The following PDCD1LG2 variants were observed in gnomAD, a reference collection of about 807,000 sequenced individuals.
PDCD1LG2 encodes B7 dendritic cell molecule.
In PDCD1LG2, 32 loss-of-function variants were observed where a neutral mutation model predicts 28.2. The ratio of observed to expected loss-of-function variants is 1.13; its 90% CI spans 0.86 to 1.52. PDCD1LG2 has a LOEUF of 1.52. Among genes scored for constraint, PDCD1LG2 ranks in the 40% most tolerant of loss-of-function variants. PDCD1LG2 has a pLI of 0.00. For missense variants in PDCD1LG2, 385 were observed against 323.8 expected (o/e 1.19, Z -1.45); for synonymous variants, 116 against 120.2 (o/e 0.97, Z 0.23).
chr9:5,542,339 A>T lies in PDCD1LG2; in HGVS notation c.362-6996A>T, dbSNP rs149071080. Reference sequence around the variant, plus strand: ...GACAAAGGTAAATAGATAAATAGGGACTTAATTAAACTAAAAAGCTTCTGC... The same window carrying T: ...GACAAAGGTAAATAGATAAATAGGGTCTTAATTAAACTAAAAAGCTTCTGC... On this transcript the variant is annotated intron_variant, in intron 3 of 6. Coordinates refer to ENST00000397747, the MANE Select transcript of PDCD1LG2 (RefSeq NM_025239.4). Among the ~76,000 whole-genome samples, 428 of 151,506 alleles carry T rather than the reference A, an allele frequency of 2.8e-3. 3 individuals are homozygous for T. The highest frequency in any genetic ancestry group is 9.9e-3 in the African/African-American group (407 of 41,024).
intron 1 of PDCD1LG2, among the ~76,000 whole-genome samples, chr9:5,515,244 C>T (rs1465614189): frequency 6.6e-6 from 1 of 152,170 alleles, no homozygotes; most frequent in African/African-American, 2.4e-5. Context: ...TAGGAACAGA[C>T]ATCAATAAAC....
intron 3 of PDCD1LG2, among the ~76,000 whole-genome samples, chr9:5,538,225 C>T (rs570682770): frequency 2.2e-4 from 34 of 152,230 alleles, no homozygotes; most frequent in Non-Finnish European, 4.9e-4. Flanking sequence ...CTTTTTTCCA[C>T]ATTCTCCAGT....
intron 4 of PDCD1LG2, 140 bp downstream of exon 4, chr9:5,549,744 A>G: frequency 9.3e-7 from 1 of 1,073,636 alleles, no homozygotes; most frequent in Non-Finnish European, 1.3e-6. Context: ...ACTACAAAGG[A>G]TAGTGCAGAA....
chr9:5,570,980 A>T lies in PDCD1LG2; in HGVS notation c.*1021A>T. 4.3e-6 allele frequency: 1 copy of T among 232,834 alleles called. No homozygotes were observed. The highest frequency in any genetic ancestry group is 8.5e-6 in the Non-Finnish European group (1 of 117,778). The allele number at this position is 232,834 out of a possible 1,614,324, so 14.4% of individuals were successfully genotyped here. ...AGCAGAAGGGTAACTCGGCTACAGT[A>T]ACAGCTTAATTTTGTTAAATTTGTT... On this transcript the variant is annotated 3_prime_UTR_variant, in exon 7 of 7. Coordinates refer to ENST00000397747, the MANE Select transcript of PDCD1LG2 (RefSeq NM_025239.4).
chr9:5,519,817 C>T (rs1820240257), intron 1 of PDCD1LG2, among the ~76,000 whole-genome samples: 1 of 152,208 alleles, frequency 6.6e-6, no homozygotes, highest in African/African-American at 2.4e-5. Context: ...AACAGCATCT[C>T]CATTGCCTTA....
chr9:5,520,409 C>T (rs1320047944), intron 1 of PDCD1LG2, among the ~76,000 whole-genome samples: 1 of 152,154 alleles, frequency 6.6e-6, no homozygotes, highest in Non-Finnish European at 1.5e-5. Flanking sequence ...AAATTTGGAA[C>T]TAAAGTTCTT....
intron 5 of PDCD1LG2, among the ~76,000 whole-genome samples, chr9:5,559,191 G>T (rs1816507995): frequency 6.6e-6 from 1 of 152,246 alleles, no homozygotes; most frequent in South Asian, 2.1e-4. Flanking sequence ...TTAAGAGTGA[G>T]TGAGGATATC....
At chr9:5,532,233 C>A (rs547871256) in intron 2 of PDCD1LG2, among the ~76,000 whole-genome samples, 1 of 152,334 alleles carries the variant, frequency 6.6e-6, no homozygotes, top group East Asian at 1.9e-4. Flanking sequence ...TGCCCCTGTG[C>A]CCCTCCTGCA....
intron 3 of PDCD1LG2, among the ~76,000 whole-genome samples, chr9:5,535,639 T>C (rs1820566458): frequency 6.6e-6 from 1 of 152,126 alleles, no homozygotes; most frequent in Non-Finnish European, 1.5e-5. Context: ...GTATAAATTT[T>C]TTTTTTCTTA....
chr9:5,533,176 T>A (rs928734239), intron 2 of PDCD1LG2, among the ~76,000 whole-genome samples: 2 of 152,258 alleles, frequency 1.3e-5, no homozygotes, highest in Admixed American at 1.3e-4. Flanking sequence ...GAACATAATT[T>A]GATCTAATCT....
At chr9:5,550,312 TG>T (rs1311287616) in intron 4 of PDCD1LG2, among the ~76,000 whole-genome samples, 2 of 152,156 alleles carry the variant, frequency 1.3e-5, no homozygotes, top group Non-Finnish European at 2.9e-5. Flanking sequence ...CAAACAATCT[TG>T]GGAAAATAAC....
At chr9:5,522,684 T>G (rs935577618) in intron 2 of PDCD1LG2, 83 bp downstream of exon 2, 2 of 1,257,290 alleles carry the variant, frequency 1.6e-6, no homozygotes, top group African/African-American at 3.0e-5. Context: ...AATGTGGCCC[T>G]CAGGCTGAGG....
chr9:5,567,738 A>G (rs1165880189), intron 6 of PDCD1LG2, among the ~76,000 whole-genome samples: 1 of 152,194 alleles, frequency 6.6e-6, no homozygotes, highest in Non-Finnish European at 1.5e-5. Context: ...ACCTGTATTA[A>G]GTTTCTGTTA....
At chr9:5,521,831 T>G (rs1416884508) in intron 1 of PDCD1LG2, among the ~76,000 whole-genome samples, 1 of 152,168 alleles carries the variant, frequency 6.6e-6, no homozygotes, top group African/African-American at 2.4e-5. Flanking sequence ...AGATTAGCTG[T>G]GTGCTCTGTC....
At chr9:5,546,605 C>T (rs1816211991) in intron 3 of PDCD1LG2, among the ~76,000 whole-genome samples, 1 of 152,162 alleles carries the variant, frequency 6.6e-6, no homozygotes, top group Non-Finnish European at 1.5e-5. Context: ...CTGCTGGGTG[C>T]TCCTAAGAAC....
chr9:5,516,084 C>G (rs189504211), intron 1 of PDCD1LG2, among the ~76,000 whole-genome samples: 187 of 152,120 alleles, frequency 1.2e-3, no homozygotes, highest in African/African-American at 4.2e-3. Flanking sequence ...CGGAGTCTCA[C>G]TCTGTCACCA....
intron 1 of PDCD1LG2, among the ~76,000 whole-genome samples, chr9:5,512,813 C>A (rs1820086799): frequency 1.3e-5 from 2 of 152,186 alleles, no homozygotes; most frequent in Admixed American, 1.3e-4. Context: ...TGCCACCCTT[C>A]CTCCCCCATG....
intron 2 of PDCD1LG2, among the ~76,000 whole-genome samples, chr9:5,523,970 C>A (rs967101080): frequency 2.0e-5 from 3 of 152,114 alleles, no homozygotes; most frequent in African/African-American, 4.8e-5. Context: ...GAGGAAGGAT[C>A]TTTTCTTCTA....
intron 1 of PDCD1LG2, among the ~76,000 whole-genome samples, chr9:5,512,111 A>G (rs986166268): frequency 6.6e-6 from 1 of 152,230 alleles, no homozygotes; most frequent in Non-Finnish European, 1.5e-5. Context: ...TTTGCTTTAC[A>G]ATACATTGGA....
Sources: allele counts gnomAD v4.1 joint callset (sites outside exome capture counted in the v4.1 genomes callset), GRCh38; gene constraint gnomAD v4.1.1; transcripts MANE v1.5; gene names NCBI Gene and HGNC (gene_info 2026-07-23, HGNC 2026-07-21).